STRIP2: variants seen among roughly 807,000 people sequenced by gnomAD.
The protein encoded by STRIP2 is striatin interacting protein 2.
A neutral mutation model predicts 107.1 loss-of-function variants in STRIP2; 84 were observed. The ratio of observed to expected loss-of-function variants is 0.78; its 90% CI spans 0.66 to 0.94. The LOEUF is 0.94. Among genes scored for constraint, STRIP2 ranks in the 40% least tolerant of loss-of-function variants. The pLI is 0.00. For synonymous variants in STRIP2, 394 were observed against 400.4 expected (o/e 0.98, Z 0.19); for missense variants, 888 against 1,034.2 (o/e 0.86, Z 1.94).
rs1313808607 is a variant in STRIP2, at chr7:129,485,917, C to A, written c.*88C>A. 8.2e-6 allele frequency: 12 copies of A among 1,456,388 alleles called. 1 individual carries two copies. The allele number at this position is 1,456,388 out of a possible 1,614,324, so 90.2% of individuals were successfully genotyped here. A position where few individuals can be genotyped will look rare whatever the true frequency, so the allele number is the denominator to read the frequency against. On this transcript the variant is annotated 3_prime_UTR_variant, in exon 21 of 21. Coordinates refer to ENST00000249344, the MANE Select transcript of STRIP2 (RefSeq NM_020704.3). ...ACCCTGTCCATACAGGCGCTGTTAC[C>A]AGTTCAGGGCTCTTCTGGGGGCTCT...
At position 129,455,351 on chromosome 7, in the gene STRIP2, C is replaced by T; in HGVS notation, c.814C>T (p.Leu272=). The T allele has an allele frequency of 1.2e-6, 2 of 1,613,536 alleles. No homozygotes were observed. Among genetic ancestry groups the T allele is most frequent in the East Asian group, 2.2e-5 (1 of 44,850 alleles). Residue 272 remains leucine (L), a synonymous_variant, in exon 8 of 21, where the codon CTG becomes TTG. Coordinates refer to ENST00000249344, the MANE Select transcript of STRIP2 (RefSeq NM_020704.3). The stretch of plus-strand genomic sequence containing the variant: ...CTTCCCCATAAAGAAGGTCCTGCTC[C>T]TGCTCTGGAAGGTGGTCATGGTGAG... The part of the protein sequence containing the change: ...PHFPIKKVLL[L]LWKVVMFTLG...
At chr7:129,452,768 C>T (rs1798231393) in intron 4 of STRIP2, among the ~76,000 whole-genome samples, 1 of 152,164 alleles carries the variant, frequency 6.6e-6, no homozygotes. Context: ...GTTTAGCACC[C>T]TCATCCAATG....
rs1799036272 is a variant in STRIP2 at position 129,478,658 on chromosome 7, G to A, written c.1945-2127G>A. 1.3e-5 allele frequency among the ~76,000 whole-genome samples: 2 copies of A among 152,150 alleles called. 1 individual carries two copies. Among genetic ancestry groups the A allele is most frequent in the South Asian group, 4.1e-4 (2 of 4,824 alleles). On this transcript the variant is annotated intron_variant, in intron 18 of 20. Coordinates refer to ENST00000249344, the MANE Select transcript of STRIP2 (RefSeq NM_020704.3). The stretch of plus-strand genomic sequence containing the variant: ...AGGCAGTTCTTTTCAACTGGAGAAA[G>A]TCCATGTAAATCACGGAATTATAGA...
At position 129,482,823 on chromosome 7, in the gene STRIP2, C is replaced by T. The variant is rs934450659; in HGVS notation, c.2050-19C>T. 8.1e-6 allele frequency: 13 copies of T among 1,611,748 alleles called. No individual in the cohort carries two copies. Among genetic ancestry groups the T allele is most frequent in the African/African-American group, 4.0e-5 (3 of 74,844 alleles). ...CAAGAAACGTTAGATCTTTACCCCA[C>T]CCCTCTTTCAATGAACAGATGCTGG... On this transcript the variant is annotated intron_variant, in intron 19 of 20. Transcript: ENST00000249344.
intron 18 of STRIP2, among the ~76,000 whole-genome samples, chr7:129,480,361 T>C (rs1192069479): frequency 6.6e-6 from 1 of 152,192 alleles, no homozygotes; most frequent in Non-Finnish European, 1.5e-5. Flanking sequence ...AATTCAACCA[T>C]AGTTGATATC....
chr7:129,482,818 C>G (rs879237312), intron 19 of STRIP2, 24 bp from the exon 20 acceptor site: 2 of 1,611,594 alleles, frequency 1.2e-6, no homozygotes, highest in South Asian at 2.2e-5. Flanking sequence ...TAGATCTTTA[C>G]CCCACCCCTC....
At chr7:129,446,267 C>T (rs926223247) in intron 3 of STRIP2, among the ~76,000 whole-genome samples, 4 of 152,206 alleles carry the variant, frequency 2.6e-5, no homozygotes, top group Non-Finnish European at 4.4e-5. Context: ...GCTTTGGTCA[C>T]CCACTGGTGA....
intron 8 of STRIP2, 35 bp from the exon 9 acceptor site, chr7:129,456,404 C>CCT: frequency 6.3e-7 from 1 of 1,594,518 alleles, no homozygotes; most frequent in Non-Finnish European, 8.6e-7. Context: ...TCCCTTCCTT[C>CCT]CTCTCTCTCT....
At chr7:129,438,618 C>T (rs1007341283) in intron 1 of STRIP2, among the ~76,000 whole-genome samples, 4 of 152,158 alleles carry the variant, frequency 2.6e-5, no homozygotes, top group Non-Finnish European at 5.9e-5. Context: ...CAATTCGATT[C>T]TGACACTAAC....
chr7:129,439,608 C>G (rs553082313), intron 1 of STRIP2, among the ~76,000 whole-genome samples: 4 of 152,146 alleles, frequency 2.6e-5, no homozygotes, highest in Non-Finnish European at 5.9e-5. Context: ...CAGCATGAGA[C>G]TTGATCTATA....
chr7:129,482,083 T>C (rs1018342114), intron 19 of STRIP2, among the ~76,000 whole-genome samples: 2 of 151,868 alleles, frequency 1.3e-5, no homozygotes, highest in African/African-American at 4.8e-5. Flanking sequence ...ACCCAGGAGG[T>C]TGAGGTTGCA....
chr7:129,454,527 A>C lies in STRIP2; in HGVS notation c.706A>C (p.Ser236Arg). The change falls in exon 7 of 21, where the codon AGC becomes CGC. Residue 236 changes from serine (S) to arginine (R), a missense_variant and splice_region_variant. Ser to Arg is a moderately radical substitution (Grantham distance 110, BLOSUM62 -1). Transcript: ENST00000249344. ...CCGGGAGACCTTCCGCACTGAATTAAGTAAGAAATGGCACTTGAGGAAGGT... is the reference window on the plus strand; with the variant it reads ...CCGGGAGACCTTCCGCACTGAATTACGTAAGAAATGGCACTTGAGGAAGGT... The part of the protein sequence containing the change: ...TARETFRTEL[S>R]FSMHNEEPFA... 1 of 1,603,860 alleles carries C rather than the reference A, an allele frequency of 6.2e-7. No individual in the cohort carries two copies. Among genetic ancestry groups the C allele is most frequent in the Non-Finnish European group, 8.5e-7 (1 of 1,170,596 alleles).
chr7:129,437,183 A>G (rs1431618579), intron 1 of STRIP2, among the ~76,000 whole-genome samples: 1 of 151,046 alleles, frequency 6.6e-6, no homozygotes, highest in African/African-American at 2.4e-5. Context: ...CATGCCTATT[A>G]TCCCAGCACT....
At position 129,477,895 on chromosome 7, in the gene STRIP2, T is replaced by C. The variant is rs566103960; in HGVS notation, c.1945-2890T>C. 8 of 510,492 alleles carry C rather than the reference T, an allele frequency of 1.6e-5. No homozygotes were observed. In the East Asian group the frequency reaches 4.5e-4, roughly 29 times the overall value. 31.6% of individuals were successfully genotyped at this position (510,492 alleles called of 1,614,324 possible). A position where few individuals can be genotyped will look rare whatever the true frequency, so the allele number is the denominator to read the frequency against. On this transcript the variant is annotated intron_variant, in intron 18 of 20. Transcript: ENST00000249344. ...ACACCATGAGCAAAGCTCACCCTCC[T>C]GAGTTGAAAAAATTTATAGACAAGA...
At chr7:129,484,748 T>G (rs1208424214) in intron 20 of STRIP2, 2 of 152,152 alleles carry the variant, frequency 1.3e-5, no homozygotes, top group Non-Finnish European at 2.9e-5. Flanking sequence ...AAAGCACAAT[T>G]ATCTATTAAA....
At chr7:129,481,475 C>T (rs1322380659) in intron 19 of STRIP2, among the ~76,000 whole-genome samples, 1 of 151,916 alleles carries the variant, frequency 6.6e-6, no homozygotes, top group East Asian at 1.9e-4. Context: ...CCAGCGTGGG[C>T]AACGGAGTGA....
intron 18 of STRIP2, among the ~76,000 whole-genome samples, chr7:129,472,511 A>G (rs1165865601): frequency 6.6e-6 from 1 of 152,174 alleles, no homozygotes; most frequent in Non-Finnish European, 1.5e-5. Flanking sequence ...GTGTGAAGCA[A>G]TAGTGGCACC....
At chr7:129,436,880 A>ATAAT (rs1562891288) in intron 1 of STRIP2, among the ~76,000 whole-genome samples, 1 of 152,192 alleles carries the variant, frequency 6.6e-6, no homozygotes, top group East Asian at 1.9e-4. Context: ...AAGCTAAAGA[A>ATAAT]TAATTGTTTG....
rs1377032942 is a variant in STRIP2 at position 129,487,200 on chromosome 7, A to G, written c.*1371A>G. 1 of 151,950 alleles carries G rather than the reference A, an allele frequency of 6.6e-6. No homozygotes were observed. Among genetic ancestry groups the G allele is most frequent in the African/African-American group, 2.4e-5 (1 of 41,316 alleles). 9.4% of individuals were successfully genotyped at this position (151,950 alleles called of 1,614,324 possible). On this transcript the variant is annotated 3_prime_UTR_variant, in exon 21 of 21. Transcript: ENST00000249344. Reference sequence around the variant, plus strand: ...GGCTAATTTTTTGTATTTTTAGTAGAAACAGGGTTTCACCATGTTAGCCAG... The same window carrying G: ...GGCTAATTTTTTGTATTTTTAGTAGGAACAGGGTTTCACCATGTTAGCCAG...
Sources: allele counts gnomAD v4.1 joint callset (sites outside exome capture counted in the v4.1 genomes callset), GRCh38; gene constraint gnomAD v4.1.1; transcripts MANE v1.5; gene names NCBI Gene and HGNC (gene_info 2026-07-23, HGNC 2026-07-21).